REXO1: variants seen among roughly 807,000 people sequenced by gnomAD.
The protein encoded by REXO1 is REX1, RNA exonuclease 1 homolog.
Under a neutral mutation model 102.6 loss-of-function variants are expected in REXO1, and 42 were observed. That is an observed-to-expected ratio of 0.41 (90% CI 0.32 to 0.53). The LOEUF (loss-of-function observed/expected upper bound fraction) is 0.53. REXO1 is among the 20% of genes least tolerant of loss of function. The pLI is 0.27. For missense variants in REXO1, 1,819 were observed against 1,732.5 expected, an observed-to-expected ratio of 1.05 and a Z score of -0.89; for synonymous variants, 908 against 779.1, an observed-to-expected ratio of 1.17 and a Z score of -2.76.
intron 1 of REXO1, among the ~76,000 whole-genome samples, chr19:1,845,535 A>G (rs565954988): frequency 6.6e-6 from 1 of 152,214 alleles, no homozygotes; most frequent in Non-Finnish European, 1.5e-5. Context: ...GTGATGTCAC[A>G]TGCCTGTGGT....
intron 1 of REXO1, among the ~76,000 whole-genome samples, chr19:1,829,800 C>A (rs1199881915): frequency 1.3e-5 from 2 of 152,162 alleles, no homozygotes; most frequent in African/African-American, 2.4e-5. Context: ...AAGAGTGAAA[C>A]CCCGTCTCAA....
intron 7 of REXO1, among the ~76,000 whole-genome samples, chr19:1,819,540 C>A (rs1160054333): frequency 2.0e-5 from 3 of 152,144 alleles, no homozygotes; most frequent in African/African-American, 7.2e-5. Context: ...GGGCAGGGGC[C>A]GGTGATAGCT....
chr19:1,815,477 C>A lies in REXO1; in HGVS notation c.*589G>T, dbSNP rs115470451. 0.013 allele frequency: 2,328 copies of A among 184,548 alleles called. 59 individuals are homozygous for A. The highest frequency in any genetic ancestry group is 0.053 in the African/African-American group (2,207 of 41,738). 11.4% of individuals were successfully genotyped at this position (184,548 alleles called of 1,614,324 possible). A position where few individuals can be genotyped will look rare whatever the true frequency, so the allele number is the denominator to read the frequency against. On this transcript the variant is annotated 3_prime_UTR_variant, in exon 16 of 16. Transcript: ENST00000170168. This position sits in a 1 kb window ranked among gnomAD's most constrained non-coding sequence, Gnocchi z 4.0. Reference sequence around the variant, plus strand: ...GGTGGAAGCCGGCGCCCCCGAAGACCGGCCAGCCCCTGGAGCACAGAGGCG... The same window carrying A: ...GGTGGAAGCCGGCGCCCCCGAAGACAGGCCAGCCCCTGGAGCACAGAGGCG...
intron 3 of REXO1, among the ~76,000 whole-genome samples, 190 bp downstream of exon 3, chr19:1,825,649 T>A (rs2069693252): frequency 6.6e-6 from 1 of 152,040 alleles, no homozygotes; most frequent in Admixed American, 6.6e-5. Context: ...CTAATTTTTG[T>A]ATTTTTAGTA....
In REXO1 at chr19:1,827,142, G is replaced by A. The variant is rs1313386267; in HGVS notation, c.1647C>T (p.Asp549=). 6.5e-7 allele frequency: 1 copy of A among 1,542,418 alleles called. No homozygotes were observed. Among genetic ancestry groups the A allele is most frequent in the Non-Finnish European group, 8.7e-7 (1 of 1,146,404 alleles). Residue 549 remains aspartate, a synonymous_variant, in exon 2 of 16, where the codon GAC becomes GAT. Transcript: ENST00000170168. ...GGCTGGAGTCTGAGTCGGAGTCTGA[G>A]TCCGAGCTGAGGCTGGGGAGGGCAG... ...WPSALPSLSS[D]SDSDSDSSLG...
At chr19:1,847,828 C>T (rs1187239042) in intron 1 of REXO1, among the ~76,000 whole-genome samples, 1 of 152,222 alleles carries the variant, frequency 6.6e-6, no homozygotes, top group East Asian at 1.9e-4. Context: ...GTCCGGGAAG[C>T]GGCGGGCGCC....
intron 1 of REXO1, among the ~76,000 whole-genome samples, chr19:1,838,618 TCGTGACATTGCTCTCCAGCCTG>T (rs904971640): frequency 8.2e-5 from 12 of 146,872 alleles, no homozygotes; most frequent in Admixed American, 6.8e-4. Flanking sequence ...TGAGCCGAGA[TCGTGACATTGCTCTCCAGCCTG>T]GGTGACAGGG....
intron 4 of REXO1, 91 bp from the exon 5 acceptor site, chr19:1,821,773 G>T: frequency 8.4e-7 from 1 of 1,187,952 alleles, no homozygotes; most frequent in Non-Finnish European, 1.2e-6. Flanking sequence ...CTCAGCGCCA[G>T]CAGCACGTGC....
chr19:1,845,402 G>A (rs1005296709), intron 1 of REXO1, among the ~76,000 whole-genome samples: 7 of 152,202 alleles, frequency 4.6e-5, no homozygotes, highest in Admixed American at 2.6e-4. Context: ...GGTGCTTCAC[G>A]CCTGTCATCC....
chr19:1,820,152 T>TC, intron 6 of REXO1, 95 bp from the exon 7 acceptor site: 2 of 1,563,232 alleles, frequency 1.3e-6, no homozygotes, highest in Non-Finnish European at 1.7e-6. Context: ...CTTGCATCTC[T>TC]CCCAGGCAGC....
At position 1,826,684 on chromosome 19, in the gene REXO1, GGCAACAGGA is replaced by G. The variant is rs67853256; in HGVS notation, c.1911+185_1911+193del. Among the ~76,000 whole-genome samples, 48,221 of 151,598 alleles carry G rather than the reference GGCAACAGGA, an allele frequency of 0.32. 8,907 individuals are homozygous for G. Among genetic ancestry groups the G allele is most frequent in the African/African-American group, 0.51 (20,847 of 41,198 alleles). ...GCCAGTGACCTCTGGGTGGGTGAGG[GGCAACAGGA>G]GCAACAGGGCTGCCCGGGTGCTCCT... On this transcript the variant is annotated intron_variant, in intron 2 of 15. Transcript: ENST00000170168. This position sits in a 1 kb window ranked among gnomAD's most constrained non-coding sequence, Gnocchi z 4.3.
At chr19:1,846,608 G>A (rs576778972) in intron 1 of REXO1, among the ~76,000 whole-genome samples, 1 of 152,192 alleles carries the variant, frequency 6.6e-6, no homozygotes, top group Non-Finnish European at 1.5e-5. Flanking sequence ...CCTGACTTGC[G>A]CCGGGTGCAG....
chr19:1,818,052 A>G (rs769494009), intron 10 of REXO1, among the ~76,000 whole-genome samples: 9 of 152,164 alleles, frequency 5.9e-5, no homozygotes, highest in Non-Finnish European at 1.2e-4. Flanking sequence ...CCCTGAGGCG[A>G]TGGCTTTAGG....
intron 1 of REXO1, chr19:1,830,997 C>T (rs1171881337): frequency 6.6e-6 from 1 of 152,582 alleles, no homozygotes; most frequent in African/African-American, 2.4e-5. Context: ...AGAAGAGGGG[C>T]AAGGAATGTT....
Position 1,848,328 on chromosome 19 carries a change from T to G in REXO1, c.31A>C (p.Ile11Leu), listed in dbSNP as rs2011656356. The G allele has an allele frequency of 2.4e-6, 3 of 1,224,576 alleles. No individual in the cohort carries two copies. The highest frequency in any genetic ancestry group is 8.2e-5 in the South Asian group (2 of 24,302). The allele number at this position is 1,224,576 out of a possible 1,614,324, so 75.9% of individuals were successfully genotyped here. MLRSTGFFRAIDCPYWSGAPG... is the reference protein window; with the variant it reads MLRSTGFFRALDCPYWSGAPG... Reference sequence around the variant, plus strand: ...GCCCCAGACCAATAGGGGCAGTCAATGGCCCGGAAGAAGCCAGTGGAGCGT... The same window carrying G: ...GCCCCAGACCAATAGGGGCAGTCAAGGGCCCGGAAGAAGCCAGTGGAGCGT... The change falls in exon 1 of 16, where the codon ATT (isoleucine) becomes CTT (leucine). Residue 11 changes from isoleucine (I) to leucine (L), a missense_variant. Coordinates refer to ENST00000170168, the MANE Select transcript of REXO1 (RefSeq NM_020695.4).
chr19:1,822,226 C>G (rs894854065), intron 4 of REXO1: 6 of 233,792 alleles, frequency 2.6e-5, no homozygotes, highest in Admixed American at 5.8e-5. Context: ...GGCACCGACC[C>G]AGGAAGGGGA....
rs7245581 is a variant in REXO1 at position 1,846,619 on chromosome 19, T to G, written c.157+1583A>C. On this transcript the variant is annotated intron_variant, in intron 1 of 15. Coordinates refer to ENST00000170168, the MANE Select transcript of REXO1 (RefSeq NM_020695.4). ...TAAGCCTGACTTGCGCCGGGTGCAGTAGCTCACACCTGTAACCCCAGCACT... is the reference window on the plus strand; with the variant it reads ...TAAGCCTGACTTGCGCCGGGTGCAGGAGCTCACACCTGTAACCCCAGCACT... Among the ~76,000 whole-genome samples, 1,123 of 152,278 alleles carry G rather than the reference T, an allele frequency of 7.4e-3. 27 individuals carry two copies. Among genetic ancestry groups the G allele is most frequent in the Admixed American group, 0.046 (702 of 15,296 alleles).
rs991773390 is a variant in REXO1, at chr19:1,839,918, A to G, written c.157+8284T>C. 4.6e-5 allele frequency among the ~76,000 whole-genome samples: 7 copies of G among 152,208 alleles called. No homozygotes were observed. In the East Asian group the frequency reaches 7.7e-4, roughly 17 times the overall value. ...CTCAGGACTGCGCAGGCCCACTTCCATGGCTTCCAGATCCTGTCTCCCTAG... is the reference window on the plus strand; with the variant it reads ...CTCAGGACTGCGCAGGCCCACTTCCGTGGCTTCCAGATCCTGTCTCCCTAG... On this transcript the variant is annotated intron_variant, in intron 1 of 15. Coordinates refer to ENST00000170168, the MANE Select transcript of REXO1 (RefSeq NM_020695.4).
At chr19:1,833,322 G>A (rs189909742) in intron 1 of REXO1, among the ~76,000 whole-genome samples, 59 of 152,348 alleles carry the variant, frequency 3.9e-4, no homozygotes, top group East Asian at 1.2e-3. Flanking sequence ...GGAGGGCCAC[G>A]AGGTACGGGC....
Sources: gnomAD v4.1 joint callset for allele counts (sites outside exome capture counted in the v4.1 genomes callset) on GRCh38, gnomAD v4.1.1 for gene constraint, Gnocchi (gnomAD v3.1) non-coding constraint, MANE v1.5 for transcripts, NCBI Gene and HGNC (gene_info 2026-07-23, HGNC 2026-07-21) for gene names.